GRM7: variants seen among roughly 807,000 people sequenced by gnomAD.
GRM7 encodes the protein metabotropic glutamate receptor 7.
In GRM7, 35 loss-of-function variants were observed where a neutral mutation model predicts 84.5. That is an observed-to-expected ratio of 0.41 (90% CI 0.32 to 0.55). GRM7 has a LOEUF of 0.55. Among genes scored for constraint, GRM7 ranks in the 20% least tolerant of loss-of-function variants. The pLI, the probability that GRM7 is intolerant of heterozygous loss-of-function variation, is 0.19. For synonymous variants in GRM7, 487 were observed against 455.1 expected (o/e 1.07, Z -0.89); for missense variants, 1,003 against 1,194.6 (o/e 0.84, Z 2.36).
intron 1 of GRM7, among the ~76,000 whole-genome samples, chr3:7,101,656 A>T (rs1699111454): frequency 6.6e-6 from 1 of 150,830 alleles, no homozygotes; most frequent in South Asian, 2.1e-4. Context: ...CTTCTTTTGG[A>T]TCATTTAAAT....
intron 7 of GRM7, among the ~76,000 whole-genome samples, chr3:7,495,576 A>G (rs996095312): frequency 5.9e-5 from 9 of 152,094 alleles, no homozygotes; most frequent in African/African-American, 2.2e-4. Context: ...CCATCTCAGT[A>G]TCTCTCAAGA....
At chr3:7,244,231 C>T (rs937344683) in intron 2 of GRM7, among the ~76,000 whole-genome samples, 2 of 152,062 alleles carry the variant, frequency 1.3e-5, no homozygotes, top group African/African-American at 2.4e-5. Context: ...TGTGATAACA[C>T]TTATCTTAAA....
At chr3:7,521,226 G>A (rs541165655) in intron 7 of GRM7, among the ~76,000 whole-genome samples, 1 of 152,318 alleles carries the variant, frequency 6.6e-6, no homozygotes, top group South Asian at 2.1e-4. Flanking sequence ...TCTTTTCCCA[G>A]GTTCCCAGTG....
At chr3:7,098,497 T>C (rs1166310857) in intron 1 of GRM7, among the ~76,000 whole-genome samples, 1 of 151,990 alleles carries the variant, frequency 6.6e-6, no homozygotes, top group African/African-American at 2.4e-5. Context: ...GAATCAGATA[T>C]GAGATTTTTT....
intron 1 of GRM7, among the ~76,000 whole-genome samples, chr3:6,903,152 A>G (rs138911013): frequency 6.6e-6 from 1 of 151,326 alleles, no homozygotes; most frequent in Non-Finnish European, 1.5e-5. Context: ...TACCTTATTA[A>G]TATTACCCTA....
intron 4 of GRM7, among the ~76,000 whole-genome samples, chr3:7,398,570 T>C (rs918258082): frequency 2.6e-5 from 4 of 151,942 alleles, no homozygotes; most frequent in Admixed American, 2.6e-4. Context: ...TTAAAGGCAA[T>C]TGGAGAAAAG....
At chr3:6,940,597 A>T (rs1468198244) in intron 1 of GRM7, among the ~76,000 whole-genome samples, 1 of 152,206 alleles carries the variant, frequency 6.6e-6, no homozygotes, top group Non-Finnish European at 1.5e-5. Context: ...AAAAGAACCT[A>T]CAGTTTCTTC....
rs575673241 is a variant in GRM7 at position 7,144,628 on chromosome 3, A to G, written c.520-1824A>G. Among the ~76,000 whole-genome samples the G allele has an allele frequency of 1.4e-3, 215 of 152,320 alleles. 1 individual carries two copies. The highest frequency in any genetic ancestry group is 1.5e-3 in the Non-Finnish European group (100 of 68,028). On this transcript the variant is annotated intron_variant, in intron 1 of 9. Transcript: ENST00000357716. ...TATTAAGCACTCCTCTGTTCCAGGC[A>G]TCGTGCAAAGCAATGCACATTCATT... is the stretch of plus-strand genomic sequence containing the variant.
intron 9 of GRM7, among the ~76,000 whole-genome samples, chr3:7,711,959 G>A (rs776378529): frequency 6.6e-6 from 1 of 152,178 alleles, no homozygotes; most frequent in Non-Finnish European, 1.5e-5. Flanking sequence ...TTTGCAGTTA[G>A]TGACTGTCAT....
At chr3:7,099,229 ATTATACAT>A (rs1698966693) in intron 1 of GRM7, among the ~76,000 whole-genome samples, 3 of 114,886 alleles carry the variant, frequency 2.6e-5, no homozygotes, top group Non-Finnish European at 4.9e-5. Flanking sequence ...TAATACATGT[ATTATACAT>A]GTATATATGA....
At chr3:7,028,019 C>T (rs555625634) in intron 1 of GRM7, among the ~76,000 whole-genome samples, 1 of 150,804 alleles carries the variant, frequency 6.6e-6, no homozygotes, top group Middle Eastern at 3.4e-3. Context: ...ATCTTATTTT[C>T]TTCTACTGCT....
chr3:7,406,040 A>AT (rs1695661034), intron 4 of GRM7, among the ~76,000 whole-genome samples: 1 of 151,836 alleles, frequency 6.6e-6, no homozygotes, highest in Non-Finnish European at 1.5e-5. Context: ...AAAAACACAC[A>AT]TTTTTTTGGC....
In GRM7 at chr3:7,456,205, C is replaced by T. The variant is rs73810658; in HGVS notation, c.1375+3398C>T. Among the ~76,000 whole-genome samples, 153 of 151,558 alleles carry T rather than the reference C, an allele frequency of 1.0e-3. 1 individual carries two copies. The highest frequency in any genetic ancestry group is 3.4e-3 in the African/African-American group (140 of 41,340). ...ATATGTATGAACATTCTTACACTAG[C>T]GACAAAAATAAAATTTGTTAGGTGA... On this transcript the variant is annotated intron_variant, in intron 6 of 9. Transcript: ENST00000357716.
intron 8 of GRM7, among the ~76,000 whole-genome samples, chr3:7,667,269 T>TAAA (rs111517177): frequency 0.35 from 49,137 of 140,142 alleles, 9,710 homozygotes; most frequent in Non-Finnish European, 0.45. Context: ...CCCTGTCTGT[T>TAAA]AAAAAAAAAA....
chr3:6,880,381 G>A (rs1251444289), intron 1 of GRM7, among the ~76,000 whole-genome samples: 1 of 152,144 alleles, frequency 6.6e-6, no homozygotes, highest in South Asian at 2.1e-4. Flanking sequence ...CAAGGTTGAG[G>A]ATATTTTGAT....
intron 1 of GRM7, among the ~76,000 whole-genome samples, chr3:7,103,841 CCTCT>C (rs1448002551): frequency 5.7e-5 from 4 of 69,916 alleles, no homozygotes; most frequent in Admixed American, 1.5e-4. Context: ...TCTCTCTCTC[CCTCT>C]CTCTCTCTCT....
At chr3:6,970,775 C>G (rs971835477) in intron 1 of GRM7, among the ~76,000 whole-genome samples, 46 of 152,192 alleles carry the variant, frequency 3.0e-4, no homozygotes, top group Non-Finnish European at 4.4e-4. Context: ...GTCAGGAGAT[C>G]GAGACCATCC....
intron 9 of GRM7, among the ~76,000 whole-genome samples, chr3:7,728,174 G>T (rs1296121197): frequency 1.3e-5 from 2 of 152,124 alleles, no homozygotes; most frequent in Non-Finnish European, 2.9e-5. Flanking sequence ...CAGCCTCAAG[G>T]ATGCTTTCAT....
chr3:7,318,682 G>A (rs549500642), intron 4 of GRM7, among the ~76,000 whole-genome samples: 1 of 152,140 alleles, frequency 6.6e-6, no homozygotes, highest in South Asian at 2.1e-4. Context: ...GTATATTCCT[G>A]ATATTAGGTG....
Sources: gnomAD v4.1 joint callset for allele counts (sites outside exome capture counted in the v4.1 genomes callset) on GRCh38, gnomAD v4.1.1 for gene constraint, MANE v1.5 for transcripts, NCBI Gene and HGNC (gene_info 2026-07-23, HGNC 2026-07-21) for gene names.